Variants in GALK1 observed in about 807,000 individuals in gnomAD.
GALK1 encodes the protein galactokinase 1.
GALK1 carries 30 observed loss-of-function variants against 38.6 expected under a neutral mutation model. The ratio of observed to expected loss-of-function variants is 0.78; its 90% CI spans 0.58 to 1.05. The LOEUF is 1.05. Among genes scored for constraint, GALK1 ranks in the 50% least tolerant of loss-of-function variants. GALK1 has a pLI of 0.00. For synonymous variants in GALK1, 240 were observed against 233.6 expected, an observed-to-expected ratio of 1.03 and a Z score of -0.25; for missense variants, 512 against 540.5, an observed-to-expected ratio of 0.95 and a Z score of 0.52.
At chr17:75,754,504 A>T, downstream of GALK1, 1 of 1,599,194 alleles carries the variant, frequency 6.3e-7, no homozygotes, top group Non-Finnish European at 8.5e-7. Context: ...AGGAATGTGC[A>T]GGGCCCAGCC....
At chr17:75,756,873 C>CG (rs762080003), downstream of GALK1, 4 of 1,612,170 alleles carry the variant, frequency 2.5e-6, no homozygotes, top group South Asian at 2.2e-5. Context: ...CTGCCCACCC[C>CG]GGGGGCAGGA....
rs770087254 is a variant in GALK1 at position 75,758,518 on chromosome 17, GCTGCCTGGGCCGTGCGCCGAAT to G, written c.853_874del (p.Ile285ArgfsTer4). On this transcript the variant is annotated frameshift_variant, in exon 6 of 8. Transcript: ENST00000588479. LOFTEE classifies it high-confidence loss of function. ...GTAGTCGCCACGTCTCAGGGCGGCC[GCTGCCTGGGCCGTGCGCCGAAT>G]CTCCCCCACCACGTGCCGGGCCCGC... is the stretch of plus-strand genomic sequence containing the variant. 8 of 1,584,294 alleles carry G rather than the reference GCTGCCTGGGCCGTGCGCCGAAT, an allele frequency of 5.0e-6. No individual in the cohort carries two copies. The South Asian group carries it at 9.1e-5, about 18-fold the overall frequency.
downstream of GALK1, chr17:75,754,731 T>A (rs2061447698): frequency 1.1e-5 from 17 of 1,613,894 alleles, no homozygotes; most frequent in Non-Finnish European, 1.4e-5. Flanking sequence ...CACACGGGAC[T>A]ACAACTCACT....
At chr17:75,757,665 C>A (rs1303676424), downstream of GALK1, 8 of 1,459,418 alleles carry the variant, frequency 5.5e-6, no homozygotes, top group Non-Finnish European at 7.7e-6. Flanking sequence ...AGCCCACCCG[C>A]ATGCACAGAG....
chr17:75,755,797 G>C, downstream of GALK1: 2 of 1,610,950 alleles, frequency 1.2e-6, no homozygotes, highest in Non-Finnish European at 1.7e-6. Flanking sequence ...CAGGAGCCGC[G>C]GTGCGAGCGG....
chr17:75,756,421 C>G, downstream of GALK1: 4 of 1,611,086 alleles, frequency 2.5e-6, no homozygotes, highest in Non-Finnish European at 3.4e-6. Context: ...CCCACCTGAT[C>G]CCCCCAGGTG....
At chr17:75,752,077 C>T (rs946718575) in intron 8 of GALK1, 13 of 1,316,054 alleles carry the variant, frequency 9.9e-6, no homozygotes, top group Admixed American at 3.4e-5. Context: ...CCCCTGGGTG[C>T]CATCCAGGGG....
chr17:75,757,510 C>A (rs141814228), downstream of GALK1: 13 of 1,613,216 alleles, frequency 8.1e-6, no homozygotes, highest in African/African-American at 2.7e-5. Context: ...TGACCACCAG[C>A]GGAACCCTTA....
intron 5 of GALK1, among the ~76,000 whole-genome samples, chr17:75,760,561 T>A (rs1451299646): frequency 7.0e-6 from 1 of 143,040 alleles, no homozygotes; most frequent in Non-Finnish European, 1.5e-5. Context: ...AGGTCAGGAG[T>A]CCAAGACCAG....
downstream of GALK1, chr17:75,754,946 GCA>G (rs1351054597): frequency 1.1e-5 from 16 of 1,404,686 alleles, no homozygotes; most frequent in East Asian, 1.5e-4. Context: ...ACACATGCAC[GCA>G]CACACGTGCA....
rs1346087645 is a variant in GALK1 at position 75,758,522 on chromosome 17, C to T, written c.871G>A (p.Ala291Thr). The T allele has an allele frequency of 1.9e-6, 3 of 1,588,718 alleles. No individual in the cohort carries two copies. ...TCGCCACGTCTCAGGGCGGCCGCTGCCTGGGCCGTGCGCCGAATCTCCCCC... is the reference window on the plus strand; with the variant it reads ...TCGCCACGTCTCAGGGCGGCCGCTGTCTGGGCCGTGCGCCGAATCTCCCCC... ...VVGEIRRTAQ[A>T]AAALRRGDYR... Residue 291 changes from alanine to threonine, a missense_variant, in exon 6 of 8, where the codon GCA (alanine) becomes ACA (threonine). Coordinates refer to ENST00000588479, the MANE Select transcript of GALK1 (RefSeq NM_000154.2).
chr17:75,755,450 A>C (rs2061475021), downstream of GALK1, among the ~76,000 whole-genome samples: 1 of 152,018 alleles, frequency 6.6e-6, no homozygotes, highest in African/African-American at 2.4e-5. Flanking sequence ...CCAGCTGAGC[A>C]GTTGAGGGGG....
In GALK1 at chr17:75,763,427, G is replaced by A; in HGVS notation, c.368C>T (p.Pro123Leu). 6.2e-7 allele frequency: 1 copy of A among 1,604,754 alleles called. No individual in the cohort carries two copies. Among genetic ancestry groups the A allele is most frequent in the Non-Finnish European group, 8.5e-7 (1 of 1,175,898 alleles). ...VIQYYPAAPLPGFSAVVVSSV... is the reference protein window; with the variant it reads ...VIQYYPAAPLLGFSAVVVSSV... The stretch of plus-strand genomic sequence containing the variant: ...GCTGACCACCACTGCACTGAAGCCA[G>A]GGAGGGGGGCAGCTGCAGGGGAAAG... The change falls in exon 3 of 8, where the codon CCT (proline) becomes CTT (leucine). Residue 123 changes from proline (P) to leucine (L), a missense_variant. Physicochemically the swap from Pro to Leu is moderately conservative, Grantham distance 98. Coordinates refer to ENST00000588479, the MANE Select transcript of GALK1 (RefSeq NM_000154.2).
chr17:75,753,597 GCCTTC>G (rs2061417224), downstream of GALK1, among the ~76,000 whole-genome samples: 1 of 152,154 alleles, frequency 6.6e-6, no homozygotes, highest in African/African-American at 2.4e-5. Context: ...ACCTGCCGCG[GCCTTC>G]CCGCTCCGGC....
At chr17:75,753,019 C>G (rs113414158), downstream of GALK1, among the ~76,000 whole-genome samples, 112 of 152,330 alleles carry the variant, frequency 7.4e-4, 2 homozygotes, top group African/African-American at 2.5e-3. Context: ...GCTGCGGAGC[C>G]CTTAGCTGGG....
At chr17:75,754,671 C>A, downstream of GALK1, 1 of 1,614,128 alleles carries the variant, frequency 6.2e-7, no homozygotes, top group Non-Finnish European at 8.5e-7. Flanking sequence ...CTATGGCACC[C>A]ACCTGAGCCC....
intron 1 of GALK1, chr17:75,764,553 TCA>T (rs769563449): frequency 2.1e-6 from 1 of 469,650 alleles, no homozygotes; most frequent in Non-Finnish European, 4.2e-6. Context: ...TCTCTAGGCC[TCA>T]GTTTCCTCCT....
downstream of GALK1, chr17:75,754,420 G>A (rs556545036): frequency 9.2e-5 from 81 of 876,346 alleles, no homozygotes; most frequent in African/African-American, 1.0e-3. Flanking sequence ...TGCAGGGACA[G>A]AGGGCCTCTG....
chr17:75,755,372 C>T (rs2603502), downstream of GALK1, among the ~76,000 whole-genome samples: 1 of 152,216 alleles, frequency 6.6e-6, no homozygotes, highest in African/African-American at 2.4e-5. Flanking sequence ...ACCATCAGTG[C>T]TGATGCCTAA....
Sources: allele counts gnomAD v4.1 joint callset (sites outside exome capture counted in the v4.1 genomes callset), GRCh38; gene constraint gnomAD v4.1.1; transcripts MANE v1.5; gene names NCBI Gene and HGNC (gene_info 2026-07-23, HGNC 2026-07-21).